Variants in LPAR1 observed in about 807,000 individuals in gnomAD.
LPAR1 encodes the protein lysophosphatidic acid receptor 1.
LPAR1 carries 5 observed loss-of-function variants against 23.8 expected under a neutral mutation model. That is an observed-to-expected ratio of 0.21 (90% CI 0.11 to 0.44). The LOEUF (loss-of-function observed/expected upper bound fraction) is 0.44, where lower values mean the gene tolerates loss of function less well. LPAR1 is among the 20% of genes least tolerant of loss of function. The pLI is 0.99. For missense variants in LPAR1, 311 were observed against 482.8 expected (o/e 0.64, Z 3.33); for synonymous variants, 160 against 164.7 (o/e 0.97, Z 0.22).
At chr9:110,973,398 C>T (rs888713029) in intron 3 of LPAR1, 83 bp downstream of exon 3, 7 of 152,136 alleles carry the variant, frequency 4.6e-5, no homozygotes, top group East Asian at 1.9e-4. Context: ...CTATATGAAA[C>T]GTAACGAAGT....
intron 4 of LPAR1, among the ~76,000 whole-genome samples, chr9:110,970,507 T>C (rs1198899900): frequency 6.6e-6 from 1 of 152,102 alleles, no homozygotes; most frequent in Admixed American, 6.5e-5. Context: ...TGGAAAATAA[T>C]ACTAAAGGCC....
chr9:110,897,468 C>A (rs1249450780), intron 5 of LPAR1, among the ~76,000 whole-genome samples: 1 of 152,210 alleles, frequency 6.6e-6, no homozygotes, highest in Admixed American at 6.5e-5. Flanking sequence ...TCTTTATCAG[C>A]AGTGTGAAAA....
At chr9:110,979,378 A>C (rs532344694) in intron 2 of LPAR1, among the ~76,000 whole-genome samples, 232 of 152,230 alleles carry the variant, frequency 1.5e-3, no homozygotes, top group Non-Finnish European at 2.7e-3. Flanking sequence ...CTAATAGCCA[A>C]ATAGAATTCC....
chr9:111,028,749 C>T (rs777404439), intron 2 of LPAR1, among the ~76,000 whole-genome samples: 19 of 151,946 alleles, frequency 1.3e-4, no homozygotes, highest in Admixed American at 2.6e-4. Flanking sequence ...TTTCTCAAAG[C>T]GTGGTCTTTA....
At chr9:111,028,362 C>T (rs2097735860) in intron 2 of LPAR1, among the ~76,000 whole-genome samples, 2 of 152,178 alleles carry the variant, frequency 1.3e-5, no homozygotes, top group South Asian at 4.1e-4. Context: ...GGATTTCCAG[C>T]ATGAGCCACC....
At chr9:111,007,544 G>A (rs1430409465) in intron 2 of LPAR1, among the ~76,000 whole-genome samples, 2 of 152,062 alleles carry the variant, frequency 1.3e-5, no homozygotes, top group Non-Finnish European at 2.9e-5. Flanking sequence ...AACTTAAAGT[G>A]ATTAAATAAT....
intron 4 of LPAR1, among the ~76,000 whole-genome samples, chr9:110,961,673 A>G (rs1302115103): frequency 6.6e-6 from 1 of 151,790 alleles, no homozygotes; most frequent in East Asian, 1.9e-4. Context: ...ATGGACTCAC[A>G]GTTCCACATG....
chr9:110,951,922 G>C (rs1482483733), intron 4 of LPAR1, among the ~76,000 whole-genome samples: 1 of 152,058 alleles, frequency 6.6e-6, no homozygotes, highest in Non-Finnish European at 1.5e-5. Flanking sequence ...AATAAACAAA[G>C]TATAGCTTTA....
At chr9:110,899,420 G>C (rs2087786635) in intron 5 of LPAR1, among the ~76,000 whole-genome samples, 1 of 152,184 alleles carries the variant, frequency 6.6e-6, no homozygotes, top group Non-Finnish European at 1.5e-5. Flanking sequence ...TGTAGTCAGT[G>C]TCTTTGGGAG....
chr9:110,895,383 C>G (rs1392271073), intron 5 of LPAR1, among the ~76,000 whole-genome samples: 2 of 152,322 alleles, frequency 1.3e-5, no homozygotes, highest in East Asian at 3.9e-4. Context: ...CTGGGGCAGA[C>G]ACTGGGGCCT....
At chr9:110,889,311 T>C (rs907077012) in intron 5 of LPAR1, among the ~76,000 whole-genome samples, 2 of 152,092 alleles carry the variant, frequency 1.3e-5, no homozygotes, top group Non-Finnish European at 2.9e-5. Flanking sequence ...TGAGCCGAGA[T>C]TGTACCACTG....
chr9:110,890,979 T>A (rs569727936), intron 5 of LPAR1, among the ~76,000 whole-genome samples: 17 of 152,210 alleles, frequency 1.1e-4, no homozygotes, highest in African/African-American at 3.9e-4. Context: ...CCAACAGAAA[T>A]CTTATTTAAC....
intron 2 of LPAR1, among the ~76,000 whole-genome samples, chr9:111,018,833 C>A (rs1379312705): frequency 6.6e-6 from 1 of 152,062 alleles, no homozygotes; most frequent in Admixed American, 6.5e-5. Flanking sequence ...GAGTACAATA[C>A]TTTTTAAAAC....
At chr9:110,888,765 T>C (rs2083150380) in intron 5 of LPAR1, among the ~76,000 whole-genome samples, 1 of 152,150 alleles carries the variant, frequency 6.6e-6, no homozygotes. Flanking sequence ...TGGCTTTGAA[T>C]ATGGGAAGGT....
intron 4 of LPAR1, among the ~76,000 whole-genome samples, chr9:110,961,617 CA>C (rs57773067): frequency 0.29 from 22,869 of 79,824 alleles, 1,289 homozygotes; most frequent in Non-Finnish European, 0.32. Context: ...GAGACTATCT[CA>C]AAAAAAAAAA....
At chr9:111,036,561 C>G (rs1303328555) in intron 1 of LPAR1, among the ~76,000 whole-genome samples, 1 of 152,102 alleles carries the variant, frequency 6.6e-6, no homozygotes, top group South Asian at 2.1e-4. Context: ...ATTTGGGAAG[C>G]TGGAAGGAAC....
intron 2 of LPAR1, among the ~76,000 whole-genome samples, chr9:111,013,259 C>A (rs1477185518): frequency 2.6e-5 from 4 of 152,084 alleles, no homozygotes; most frequent in African/African-American, 9.7e-5. Context: ...AAACTACAGA[C>A]AAAACATCCT....
Position 111,038,454 on chromosome 9 carries a change from G to A in LPAR1, c.-549C>T. 1 of 330,410 alleles carries A rather than the reference G, an allele frequency of 3.0e-6. No homozygotes were observed. The highest frequency in any genetic ancestry group is 4.0e-5 in the Admixed American group (1 of 24,768). 20.5% of individuals were successfully genotyped at this position (330,410 alleles called of 1,614,324 possible). On this transcript the variant is annotated 5_prime_UTR_variant, in exon 1 of 6. Transcript: ENST00000683809. This position sits in a 1 kb window ranked among gnomAD's most constrained non-coding sequence, Gnocchi z 4.4. ...AGTCGCCACTCAGGGAGCGTCAGCCGCCAGTCGGCCCCTACTGCCCGGCTT... is the reference window on the plus strand; with the variant it reads ...AGTCGCCACTCAGGGAGCGTCAGCCACCAGTCGGCCCCTACTGCCCGGCTT...
chr9:110,879,804 TAGA>T (rs1179808364), intron 5 of LPAR1, among the ~76,000 whole-genome samples: 1 of 152,158 alleles, frequency 6.6e-6, no homozygotes, highest in African/African-American at 2.4e-5. Context: ...GGAAGAGATA[TAGA>T]AGGACTGGAG....
Sources: allele counts gnomAD v4.1 joint callset (sites outside exome capture counted in the v4.1 genomes callset), GRCh38; gene constraint gnomAD v4.1.1; non-coding constraint Gnocchi (gnomAD v3.1); transcripts MANE v1.5; gene names NCBI Gene and HGNC (gene_info 2026-07-23, HGNC 2026-07-21).